Variants in ZBTB8A observed in about 807,000 individuals in gnomAD.
ZBTB8A encodes the protein zinc finger and BTB domain containing 8A, also known as zinc finger and BTB domain-containing protein 8A.
A neutral mutation model predicts 37.8 loss-of-function variants in ZBTB8A; 19 were observed. That is an observed-to-expected ratio of 0.50 (90% CI 0.35 to 0.74). ZBTB8A has a LOEUF of 0.74. Ranked by LOEUF, ZBTB8A falls within the 30% of genes least tolerant of loss-of-function variation. The probability of loss-of-function intolerance (pLI) is 0.01; values close to 1 mark genes in which losing one functional copy is unlikely to be tolerated. For synonymous variants in ZBTB8A, 181 were observed against 185.2 expected, an observed-to-expected ratio of 0.98 and a Z score of 0.19; for missense variants, 394 against 537.8, an observed-to-expected ratio of 0.73 and a Z score of 2.65.
chr1:32,590,902 CT>C (rs967992917), intron 2 of ZBTB8A, among the ~76,000 whole-genome samples: 24 of 151,012 alleles, frequency 1.6e-4, no homozygotes, highest in African/African-American at 5.8e-4. Flanking sequence ...TTTAATTTAA[CT>C]TTTTTTTTAA....
chr1:32,572,019 T>C (rs1419724204), intron 2 of ZBTB8A, among the ~76,000 whole-genome samples: 1 of 152,072 alleles, frequency 6.6e-6, no homozygotes, highest in Non-Finnish European at 1.5e-5. Context: ...TTCTCCTGTC[T>C]CAGCCTCCTG....
chr1:32,566,129 G>C (rs961168903), intron 2 of ZBTB8A, among the ~76,000 whole-genome samples: 3 of 151,558 alleles, frequency 2.0e-5, no homozygotes, highest in African/African-American at 7.3e-5. Flanking sequence ...GTGAACCCAG[G>C]AGGCGGAGCT....
At chr1:32,589,207 T>A (rs1325800852) in intron 2 of ZBTB8A, among the ~76,000 whole-genome samples, 1 of 151,846 alleles carries the variant, frequency 6.6e-6, no homozygotes, top group African/African-American at 2.4e-5. Flanking sequence ...TGAGACAGAG[T>A]CTTGTTGTGT....
rs1644050132 is a variant in ZBTB8A at position 32,541,161 on chromosome 1, GA to G, written c.-84+1591del. 1.3e-5 allele frequency among the ~76,000 whole-genome samples: 2 copies of G among 152,356 alleles called. 1 individual carries two copies. Among genetic ancestry groups the G allele is most frequent in the South Asian group, 4.1e-4 (2 of 4,824 alleles). On this transcript the variant is annotated intron_variant, in intron 1 of 4. Transcript: ENST00000373510. ...AAGATTTGATGTGTTTGATTCCCTTGAATGAAGCTTTTGCCACTTTTCTGCT... is the reference window on the plus strand; with the variant it reads ...AAGATTTGATGTGTTTGATTCCCTTGATGAAGCTTTTGCCACTTTTCTGCT...
chr1:32,570,228 T>G (rs764565747), intron 2 of ZBTB8A, among the ~76,000 whole-genome samples: 2 of 152,210 alleles, frequency 1.3e-5, no homozygotes, highest in Non-Finnish European at 2.9e-5. Context: ...AAAAATCAAT[T>G]GATAATATAT....
rs1257312855 is a variant in ZBTB8A, at chr1:32,600,244, A to C, written c.1151A>C (p.Glu384Ala). Reference protein sequence around the residue: ...IDSLPIDLEAEQHLMSPSDGD... With the variant: ...IDSLPIDLEAAQHLMSPSDGD... ...AGCCTCCCCATTGACTTGGAAGCTG[A>C]ACAACATCTTATGTCCCCATCAGAT... Residue 384 changes from glutamate (E) to alanine (A), a missense_variant, in exon 5 of 5, where the codon GAA becomes GCA. Around this residue, in one of 4 missense-constraint regions of ZBTB8A, gnomAD observed 85 missense variants for 89.0 expected, o/e 0.95. Coordinates refer to ENST00000373510, the MANE Select transcript of ZBTB8A (RefSeq NM_001040441.3). 1 of 1,614,176 alleles carries C rather than the reference A, an allele frequency of 6.2e-7. No homozygotes were observed. Among genetic ancestry groups the C allele is most frequent in the South Asian group, 1.1e-5 (1 of 91,078 alleles).
chr1:32,545,218 AAAG>A (rs1474456233), intron 1 of ZBTB8A, among the ~76,000 whole-genome samples: 2 of 152,206 alleles, frequency 1.3e-5, no homozygotes, highest in African/African-American at 4.8e-5. Context: ...CATGGAAAAA[AAAG>A]AAAATATAGA....
rs1271476242 is a variant in ZBTB8A at position 32,539,526 on chromosome 1, C to T, written c.-130C>T. ...CCTTCCCCAGCCGAGAACCAGGAAT[C>T]TTCCCTCGGCCCGCGCGCGCGACCG... On this transcript the variant is annotated 5_prime_UTR_variant, in exon 1 of 5. Coordinates refer to ENST00000373510, the MANE Select transcript of ZBTB8A (RefSeq NM_001040441.3). 1 of 151,602 alleles carries T rather than the reference C, an allele frequency of 6.6e-6. No individual in the cohort carries two copies. Among genetic ancestry groups the T allele is most frequent in the Non-Finnish European group, 1.5e-5 (1 of 67,758 alleles). 9.4% of individuals were successfully genotyped at this position (151,602 alleles called of 1,614,324 possible).
intron 2 of ZBTB8A, among the ~76,000 whole-genome samples, chr1:32,591,744 A>G (rs531383416): frequency 2.0e-5 from 3 of 152,186 alleles, no homozygotes; most frequent in South Asian, 2.1e-4. Flanking sequence ...CCTCATCTCT[A>G]TATTTAAAAA....
intron 1 of ZBTB8A, among the ~76,000 whole-genome samples, chr1:32,540,228 TAGTC>T (rs1218527385): frequency 1.3e-5 from 2 of 152,076 alleles, no homozygotes; most frequent in Non-Finnish European, 2.9e-5. Context: ...TTTTGTGAGT[TAGTC>T]AGCGGCTTGT....
intron 2 of ZBTB8A, among the ~76,000 whole-genome samples, chr1:32,567,791 C>CA (rs1214976482): frequency 0.018 from 117 of 6,434 alleles, 19 homozygotes; most frequent in Non-Finnish European, 0.025. Flanking sequence ...GATTCTGTCT[C>CA]AAAAAAAAAA....
chr1:32,599,969 G>A, intron 4 of ZBTB8A, 118 bp from the exon 5 acceptor site: 1 of 734,700 alleles, frequency 1.4e-6, no homozygotes, highest in Non-Finnish European at 2.2e-6. Flanking sequence ...AATAATAGAT[G>A]TTAATTTGAG....
chr1:32,585,860 G>C (rs557410120), intron 2 of ZBTB8A, among the ~76,000 whole-genome samples: 1 of 151,390 alleles, frequency 6.6e-6, no homozygotes. Flanking sequence ...AAAATCAGCC[G>C]GGCGTGGTGG....
At chr1:32,569,386 CTTTTTTTTTTTTT>C (rs563715372) in intron 2 of ZBTB8A, among the ~76,000 whole-genome samples, 1 of 82,280 alleles carries the variant, frequency 1.2e-5, no homozygotes, top group African/African-American at 5.2e-5. Context: ...TTTTCCTTTC[CTTTTTTTTTTTTT>C]TTTTTTTTTT....
chr1:32,580,614 G>A (rs1644396163), intron 2 of ZBTB8A, among the ~76,000 whole-genome samples: 1 of 151,982 alleles, frequency 6.6e-6, no homozygotes, highest in East Asian at 1.9e-4. Flanking sequence ...ACTGTCCTAT[G>A]GTGTTGATGG....
At chr1:32,553,886 CAAAA>C (rs34338542) in intron 2 of ZBTB8A, among the ~76,000 whole-genome samples, 2 of 77,126 alleles carry the variant, frequency 2.6e-5, no homozygotes, top group Non-Finnish European at 2.5e-5. Context: ...AACTCTGTCT[CAAAA>C]AAAAAAAAAA....
chr1:32,549,389 G>T (rs1644132777), intron 1 of ZBTB8A, among the ~76,000 whole-genome samples: 1 of 151,866 alleles, frequency 6.6e-6, no homozygotes, highest in Non-Finnish European at 1.5e-5. Context: ...GGCTACTTGG[G>T]GGGCTGAGGC....
intron 2 of ZBTB8A, among the ~76,000 whole-genome samples, chr1:32,576,148 A>G (rs1293830504): frequency 1.3e-5 from 2 of 152,158 alleles, no homozygotes; most frequent in Non-Finnish European, 2.9e-5. Flanking sequence ...ATATTTTTTC[A>G]TCAAGTCCAA....
At position 32,605,665 on chromosome 1, in the gene ZBTB8A, A is replaced by G. The variant is rs534045718; in HGVS notation, c.*5246A>G. 6.9e-6 allele frequency: 1 copy of G among 144,738 alleles called. No homozygotes were observed. The highest frequency in any genetic ancestry group is 2.0e-4 in the East Asian group (1 of 4,948). The allele number at this position is 144,738 out of a possible 1,614,324, so 9.0% of individuals were successfully genotyped here. ...GGTTGCAGTGAGCCAAGATCACGCT[A>G]CTGCACTCCAGGCTGGGTGACAGAG... On this transcript the variant is annotated 3_prime_UTR_variant, in exon 5 of 5. Transcript: ENST00000373510.
Sources: allele counts gnomAD v4.1 joint callset (sites outside exome capture counted in the v4.1 genomes callset), GRCh38; gene constraint gnomAD v4.1.1; regional missense constraint gnomAD v4.1.1; transcripts MANE v1.5; gene names NCBI Gene and HGNC (gene_info 2026-07-23, HGNC 2026-07-21).